Variants in CRYBG1 observed in about 807,000 individuals in gnomAD.
The protein encoded by CRYBG1 is beta/gamma crystallin domain-containing protein 1.
Under a neutral mutation model 189.2 loss-of-function variants are expected in CRYBG1, and 139 were observed. The ratio of observed to expected loss-of-function variants is 0.73; its 90% CI spans 0.64 to 0.85. CRYBG1 has a LOEUF of 0.85. Ranked by LOEUF, CRYBG1 falls within the 40% of genes least tolerant of loss-of-function variation. The pLI is 0.00. For synonymous variants in CRYBG1, 1,023 were observed against 1,017.1 expected (o/e 1.01, Z -0.11); for missense variants, 2,611 against 2,675.8 (o/e 0.98, Z 0.53).
chr6:106,386,078 A>G (rs1433188323), intron 1 of CRYBG1, among the ~76,000 whole-genome samples: 1 of 152,230 alleles, frequency 6.6e-6, no homozygotes, highest in Non-Finnish European at 1.5e-5. Context: ...TGAAGGTTTC[A>G]TGGCTTCATT....
At chr6:106,371,606 C>G (rs1227129902) in intron 1 of CRYBG1, among the ~76,000 whole-genome samples, 1 of 152,200 alleles carries the variant, frequency 6.6e-6, no homozygotes, top group Non-Finnish European at 1.5e-5. Context: ...GGAGTGGACT[C>G]AATTATCAAT....
chr6:106,360,776 C>G lies in CRYBG1; in HGVS notation c.-133C>G. ...CAACCCGCGGCCGTCCCCCCGCATC[C>G]GCGACGAGGGGGCGGGGTCCCACGG... On this transcript the variant is annotated 5_prime_UTR_variant, in exon 1 of 22. Coordinates refer to ENST00000633556, the MANE Select transcript of CRYBG1 (RefSeq NM_001371242.2). 9.0e-7 allele frequency: 1 copy of G among 1,108,944 alleles called. No individual in the cohort carries two copies. The highest frequency in any genetic ancestry group is 1.2e-6 in the Non-Finnish European group (1 of 818,670). The allele number at this position is 1,108,944 out of a possible 1,614,324, so 68.7% of individuals were successfully genotyped here.
At chr6:106,513,095 C>G in intron 3 of CRYBG1, 56 bp downstream of exon 3, 1 of 1,542,864 alleles carries the variant, frequency 6.5e-7, no homozygotes, top group Non-Finnish European at 8.7e-7. Context: ...GCTGGGGGTC[C>G]GCTCTGAGAG....
At chr6:106,480,885 C>T (rs1772435902) in intron 2 of CRYBG1, among the ~76,000 whole-genome samples, 3 of 149,748 alleles carry the variant, frequency 2.0e-5, no homozygotes, top group Admixed American at 1.3e-4. Flanking sequence ...ACATGAGAAG[C>T]GCTTGAACCT....
Position 106,519,416 on chromosome 6 carries a change from CA to C in CRYBG1, c.2209del (p.Ser737ValfsTer13), listed in dbSNP as rs760867014. On this transcript the variant is annotated frameshift_variant, in exon 4 of 22. Coordinates refer to ENST00000633556, the MANE Select transcript of CRYBG1 (RefSeq NM_001371242.2). LOFTEE classifies it high-confidence loss of function. ...EQPEKKVMPNSPQNGVLVKET... is the reference protein window; with the variant it reads ...EQPEKKVMPNXPQNGVLVKET... ...AACCTGAAAAGAAAGTAATGCCAAA[CA>C]GTCCCCAGAATGGTGTGCTGGTTAA... 5 of 1,614,082 alleles carry C rather than the reference CA, an allele frequency of 3.1e-6. No individual in the cohort carries two copies. The Admixed American group carries it at 8.3e-5, about 27-fold the overall frequency.
At chr6:106,389,903 T>C (rs1234401536) in intron 1 of CRYBG1, among the ~76,000 whole-genome samples, 1 of 152,142 alleles carries the variant, frequency 6.6e-6, no homozygotes, top group East Asian at 1.9e-4. Context: ...GCCCTTAATA[T>C]GAAATATTAA....
chr6:106,475,130 A>G, intron 2 of CRYBG1, among the ~76,000 whole-genome samples: 1 of 152,216 alleles, frequency 6.6e-6, no homozygotes, highest in East Asian at 1.9e-4. Flanking sequence ...TTAGGTGTTC[A>G]GAATAAATAT....
intron 3 of CRYBG1, among the ~76,000 whole-genome samples, chr6:106,517,944 ACT>A (rs1251701689): frequency 6.6e-6 from 1 of 152,066 alleles, no homozygotes; most frequent in Non-Finnish European, 1.5e-5. Flanking sequence ...GAGAGGGGAG[ACT>A]CTCTTGCCCA....
chr6:106,536,600 C>G (rs907233628), intron 8 of CRYBG1, among the ~76,000 whole-genome samples: 1 of 152,154 alleles, frequency 6.6e-6, no homozygotes, highest in African/African-American at 2.4e-5. Flanking sequence ...TTGTGTGACT[C>G]AAAGGGTATT....
At chr6:106,455,920 A>G (rs899187265) in intron 2 of CRYBG1, among the ~76,000 whole-genome samples, 19 of 152,146 alleles carry the variant, frequency 1.2e-4, no homozygotes, top group Non-Finnish European at 2.6e-4. Flanking sequence ...CCCTCAAAAC[A>G]AAAGTAACTC....
chr6:106,550,955 C>T (rs76080518), intron 13 of CRYBG1, among the ~76,000 whole-genome samples: 3,401 of 151,916 alleles, frequency 0.022, 124 homozygotes, highest in African/African-American at 0.077. Flanking sequence ...GTCAAGATAC[C>T]CTTACGCTTA....
At chr6:106,438,806 C>T (rs141787759) in intron 1 of CRYBG1, among the ~76,000 whole-genome samples, 1,573 of 152,148 alleles carry the variant, frequency 0.01, 27 homozygotes, top group African/African-American at 0.036. Flanking sequence ...CAAATATTTT[C>T]GGTTTTCAAA....
chr6:106,448,891 C>T (rs1435316610), intron 1 of CRYBG1, among the ~76,000 whole-genome samples: 1 of 152,140 alleles, frequency 6.6e-6, no homozygotes, highest in South Asian at 2.1e-4. Flanking sequence ...GGAGATTTCC[C>T]CCACTTCTAA....
intron 8 of CRYBG1, among the ~76,000 whole-genome samples, chr6:106,534,464 G>C (rs1414260561): frequency 1.3e-5 from 2 of 152,180 alleles, no homozygotes; most frequent in African/African-American, 4.8e-5. Flanking sequence ...TCAAGGGGTT[G>C]AGAAGATGTC....
At chr6:106,426,077 A>G (rs560480500) in intron 1 of CRYBG1, among the ~76,000 whole-genome samples, 1 of 152,226 alleles carries the variant, frequency 6.6e-6, no homozygotes, top group Non-Finnish European at 1.5e-5. Context: ...TCCCCATCTC[A>G]GCTGATGCCC....
chr6:106,517,667 A>T (rs1258246937), intron 3 of CRYBG1, among the ~76,000 whole-genome samples: 1 of 151,036 alleles, frequency 6.6e-6, no homozygotes, highest in African/African-American at 2.4e-5. Flanking sequence ...CTTGAAGAGA[A>T]CCCCAGGGAT....
intron 2 of CRYBG1, among the ~76,000 whole-genome samples, chr6:106,497,817 G>A (rs948972049): frequency 2.0e-5 from 3 of 152,220 alleles, no homozygotes; most frequent in African/African-American, 2.4e-5. Context: ...GAGGCTGGGC[G>A]CAGTGGCTCA....
intron 1 of CRYBG1, among the ~76,000 whole-genome samples, chr6:106,379,143 T>C (rs745408962): frequency 1.3e-5 from 2 of 152,184 alleles, no homozygotes; most frequent in Non-Finnish European, 2.9e-5. Context: ...AGCCAGACTC[T>C]GGTCTCAAAA....
chr6:106,550,277 TA>T (rs766050076), intron 13 of CRYBG1, among the ~76,000 whole-genome samples: 10 of 152,226 alleles, frequency 6.6e-5, no homozygotes, highest in Non-Finnish European at 1.3e-4. Context: ...TTAAATGTGA[TA>T]ACAGATGTGG....
Sources: gnomAD v4.1 joint callset for allele counts (sites outside exome capture counted in the v4.1 genomes callset) on GRCh38, gnomAD v4.1.1 for gene constraint, MANE v1.5 for transcripts, NCBI Gene and HGNC (gene_info 2026-07-23, HGNC 2026-07-21) for gene names.